The following DMD variants were observed in gnomAD, a reference collection of about 807,000 sequenced individuals.
DMD encodes the protein dystrophin.
Under a neutral mutation model 330.1 loss-of-function variants are expected in DMD, and 63 were observed. That is an observed-to-expected ratio of 0.19 (90% CI 0.16 to 0.24). The LOEUF (loss-of-function observed/expected upper bound fraction) is 0.24. DMD is among the 10% of genes least tolerant of loss of function. The pLI is 1.00. For synonymous variants in DMD, 1,223 were observed against 959.8 expected (o/e 1.27, Z -5.07); for missense variants, 3,344 against 2,684.1 (o/e 1.25, Z -5.43).
At chrX:32,978,671 G>A (rs2092620196) in intron 2 of DMD, among the ~76,000 whole-genome samples, 1 of 111,988 alleles carries the variant, frequency 8.9e-6, no homozygotes, top group African/African-American at 3.2e-5. Context: ...GTTTCACCAT[G>A]TTGGCCAGGT....
At chrX:32,192,207 A>G (rs1026773027) in intron 44 of DMD, among the ~76,000 whole-genome samples, 3 of 111,366 alleles carry the variant, frequency 2.7e-5, no homozygotes, top group African/African-American at 9.8e-5. Flanking sequence ...GATACCCAAG[A>G]CTCAAAGCCA....
intron 18 of DMD, among the ~76,000 whole-genome samples, chrX:32,507,871 A>G (rs2044792726): frequency 9.0e-6 from 1 of 111,238 alleles, no homozygotes; most frequent in East Asian, 2.8e-4. Context: ...CGTATATCAA[A>G]GGTCATCATA....
At chrX:32,786,374 T>C (rs967745443) in intron 7 of DMD, among the ~76,000 whole-genome samples, 1 of 110,632 alleles carries the variant, frequency 9.0e-6, no homozygotes, top group Non-Finnish European at 1.9e-5. Flanking sequence ...TTTGATGCCT[T>C]TGCCATCTAA....
chrX:32,826,072 C>T (rs938181997), intron 4 of DMD, among the ~76,000 whole-genome samples: 5 of 111,705 alleles, frequency 4.5e-5, no homozygotes, highest in African/African-American at 1.3e-4. Flanking sequence ...GACAAACCAA[C>T]GGCCAGCACA....
chrX:33,052,121 A>T (rs2094465006), intron 1 of DMD, among the ~76,000 whole-genome samples: 1 of 111,924 alleles, frequency 8.9e-6, no homozygotes. Context: ...AATGATTTTT[A>T]CAGCATTTCG....
intron 55 of DMD, among the ~76,000 whole-genome samples, chrX:31,564,210 C>T (rs2075349270): frequency 1.8e-5 from 2 of 111,821 alleles, no homozygotes; most frequent in South Asian, 7.5e-4. Flanking sequence ...AACTGTAAGA[C>T]AACAGACTTC....
chrX:31,792,879 C>T (rs1051540737), intron 50 of DMD, among the ~76,000 whole-genome samples: 1 of 111,874 alleles, frequency 8.9e-6, no homozygotes, highest in Non-Finnish European at 1.9e-5. Flanking sequence ...AGCTGCCCTC[C>T]ACCAGCAAGG....
intron 2 of DMD, among the ~76,000 whole-genome samples, chrX:32,874,257 CA>C (rs2083214938): frequency 8.9e-6 from 1 of 112,013 alleles, no homozygotes; most frequent in Non-Finnish European, 1.9e-5. Flanking sequence ...GCGACAAGTT[CA>C]TTTTTACAGA....
At chrX:32,667,191 C>A (rs1358722463) in intron 9 of DMD, among the ~76,000 whole-genome samples, 1 of 111,361 alleles carries the variant, frequency 9.0e-6, no homozygotes, top group Non-Finnish European at 1.9e-5. Context: ...CTCTAGAACT[C>A]CTCATGCGTA....
chrX:31,888,005 A>T (rs1317164963), intron 47 of DMD, among the ~76,000 whole-genome samples: 1 of 111,686 alleles, frequency 9.0e-6, no homozygotes, highest in East Asian at 2.8e-4. Flanking sequence ...GACATTTCCA[A>T]CTCTGTTTCC....
intron 2 of DMD, among the ~76,000 whole-genome samples, chrX:32,984,966 C>T (rs1370462342): frequency 1.8e-5 from 2 of 111,892 alleles, no homozygotes; most frequent in African/African-American, 6.5e-5. Context: ...ACTTAATTTT[C>T]AACCTCCCGA....
intron 76 of DMD, among the ~76,000 whole-genome samples, chrX:31,141,425 G>A (rs1382920846): frequency 8.9e-6 from 1 of 112,155 alleles, no homozygotes; most frequent in South Asian, 3.7e-4. Flanking sequence ...TGGTAGAAGA[G>A]GAACTGAAGT....
At chrX:32,191,000 C>T (rs1347482841) in intron 44 of DMD, among the ~76,000 whole-genome samples, 2 of 110,603 alleles carry the variant, frequency 1.8e-5, no homozygotes, top group Non-Finnish European at 3.8e-5. Flanking sequence ...ACTTTAAGGC[C>T]ACCTCTCCTA....
intron 1 of DMD, among the ~76,000 whole-genome samples, chrX:33,164,437 T>C (rs2048954028): frequency 8.9e-6 from 1 of 112,040 alleles, no homozygotes; most frequent in African/African-American, 3.2e-5. Context: ...GCTTAATAAA[T>C]TCACCTTTAG....
chrX:32,990,458 T>C (rs12834211), intron 2 of DMD, among the ~76,000 whole-genome samples: 3,550 of 111,450 alleles, frequency 0.032, 97 homozygotes, highest in East Asian at 0.18. Flanking sequence ...TTCTACCAAA[T>C]CTCTTTCCCT....
chrX:32,581,750 A>C (rs1457429375), intron 13 of DMD, among the ~76,000 whole-genome samples: 1 of 112,259 alleles, frequency 8.9e-6, no homozygotes. Context: ...CCTAGCAAGC[A>C]TATTACAAGA....
chrX:32,246,748 T>G (rs867499521), intron 43 of DMD, among the ~76,000 whole-genome samples: 1 of 108,703 alleles, frequency 9.2e-6, no homozygotes, highest in Non-Finnish European at 1.9e-5. Flanking sequence ...AGTTTATTTG[T>G]GTAGAGGTGT....
At chrX:32,579,861 A>G (rs1225510857) in intron 13 of DMD, among the ~76,000 whole-genome samples, 1 of 112,986 alleles carries the variant, frequency 8.9e-6, no homozygotes, top group South Asian at 3.6e-4. Flanking sequence ...GTGAGATTTT[A>G]ACACGAAGAA....
At position 31,891,648 on chromosome X, in the gene DMD, T is replaced by C. The variant is rs1380622934; in HGVS notation, c.6913-16275A>G. 9.8e-5 allele frequency among the ~76,000 whole-genome samples: 11 copies of C among 112,291 alleles called. No homozygotes were observed. In the Admixed American group the frequency reaches 1.0e-3, roughly 11 times the overall value. On this transcript the variant is annotated intron_variant, in intron 47 of 78. Transcript: ENST00000357033. ...ACACAGCCATGCCCATTCGTTTATGTGTAGTTACGTATTAGGGCTGCTTTT... is the reference window on the plus strand; with the variant it reads ...ACACAGCCATGCCCATTCGTTTATGCGTAGTTACGTATTAGGGCTGCTTTT...
Sources: allele counts gnomAD v4.1 joint callset (sites outside exome capture counted in the v4.1 genomes callset), GRCh38; gene constraint gnomAD v4.1.1; transcripts MANE v1.5; gene names NCBI Gene and HGNC (gene_info 2026-07-23, HGNC 2026-07-21).